Variants in CAP1 observed in about 807,000 individuals in gnomAD.
The protein encoded by CAP1 is adenylyl cyclase-associated protein 1.
In CAP1, 11 loss-of-function variants were observed where a neutral mutation model predicts 58.2. The ratio of observed to expected loss-of-function variants is 0.19; its 90% confidence interval spans 0.12 to 0.31. The LOEUF (loss-of-function observed/expected upper bound fraction) is 0.31. Ranked by LOEUF, CAP1 falls within the 10% of genes least tolerant of loss-of-function variation. The pLI, the probability that CAP1 is intolerant of heterozygous loss-of-function variation, is 1.00. For synonymous variants in CAP1, 183 were observed against 213.8 expected, an observed-to-expected ratio of 0.86 and a Z score of 1.26; for missense variants, 423 against 587.5, an observed-to-expected ratio of 0.72 and a Z score of 2.89.
At chr1:40,060,647 C>G (rs1464086368) in intron 3 of CAP1, among the ~76,000 whole-genome samples, 1 of 151,868 alleles carries the variant, frequency 6.6e-6, no homozygotes. Flanking sequence ...TTCCTTTATG[C>G]CTCCTACGTC....
chr1:40,066,428 T>A, intron 7 of CAP1, 108 bp downstream of exon 7: 1 of 661,926 alleles, frequency 1.5e-6, no homozygotes, highest in Non-Finnish European at 2.8e-6. Context: ...GAGGGAATGC[T>A]AGTTTTTTCA....
intron 1 of CAP1, among the ~76,000 whole-genome samples, chr1:40,053,326 G>T (rs1043138683): frequency 1.3e-5 from 2 of 152,240 alleles, no homozygotes; most frequent in African/African-American, 4.8e-5. Context: ...TGGATACTGT[G>T]ATTAACCATA....
In CAP1 at chr1:40,072,444, T is replaced by A. The variant is rs1328450406; in HGVS notation, c.*911T>A. 5.2e-6 allele frequency: 1 copy of A among 192,148 alleles called. No homozygotes were observed. Among genetic ancestry groups the A allele is most frequent in the Non-Finnish European group, 1.0e-5 (1 of 95,398 alleles). 11.9% of individuals were successfully genotyped at this position (192,148 alleles called of 1,614,324 possible). The stretch of plus-strand genomic sequence containing the variant: ...CTGCAGGCTGGTTTTAGGTCTTGAA[T>A]TATGTAAGAATCTTGCACAGCACTG... On this transcript the variant is annotated 3_prime_UTR_variant, in exon 13 of 13. Coordinates refer to ENST00000372805, the MANE Select transcript of CAP1 (RefSeq NM_006367.4).
At chr1:40,043,072 A>ATTTC (rs2124121935) in intron 1 of CAP1, among the ~76,000 whole-genome samples, 1 of 152,320 alleles carries the variant, frequency 6.6e-6, no homozygotes, top group South Asian at 2.1e-4. Flanking sequence ...GCTAAAGGAA[A>ATTTC]GAGCAAGAGT....
Position 40,067,572 on chromosome 1 carries a change from A to G in CAP1, c.663A>G (p.Pro221=). Residue 221 remains proline (P), a synonymous_variant, in exon 8 of 13, where the codon CCA becomes CCG. Coordinates refer to ENST00000372805, the MANE Select transcript of CAP1 (RefSeq NM_006367.4). ...GPVAKELSGL[P]SGPSAGSCPP... ...TGGCAAAAGAACTGAGCGGACTGCC[A>G]TCTGGACCCTCTGCCGGATCATGTC... The G allele has an allele frequency of 1.2e-6, 2 of 1,610,610 alleles. No individual in the cohort carries two copies. Among genetic ancestry groups the G allele is most frequent in the Non-Finnish European group, 1.7e-6 (2 of 1,178,304 alleles).
At chr1:40,070,349 C>G (rs1047729469) in intron 10 of CAP1, 67 bp downstream of exon 10, 3 of 1,608,572 alleles carry the variant, frequency 1.9e-6, no homozygotes, top group Middle Eastern at 1.7e-4. Flanking sequence ...ACCATTTTAC[C>G]TACCCTATCC....
rs763601313 is a variant in CAP1 at position 40,070,637 on chromosome 1, G to A, written c.1200+125G>A. 3.6e-5 allele frequency: 35 copies of A among 977,104 alleles called. 1 individual carries two copies. The highest frequency in any genetic ancestry group is 5.9e-5 in the South Asian group (4 of 67,292). The allele number at this position is 977,104 out of a possible 1,614,324, so 60.5% of individuals were successfully genotyped here. A position where few individuals can be genotyped will look rare whatever the true frequency, so the allele number is the denominator to read the frequency against. ...CAAAGTCTGTAAGCTGAGCTGCTTT[G>A]GACGTGGCAGAAGAAGGGTTGGCTC... is the stretch of plus-strand genomic sequence containing the variant. On this transcript the variant is annotated intron_variant, in intron 11 of 12. Transcript: ENST00000372805.
intron 1 of CAP1, among the ~76,000 whole-genome samples, chr1:40,049,075 T>TTACTTCTGA (rs1646237404): frequency 6.6e-6 from 1 of 152,076 alleles, no homozygotes; most frequent in Non-Finnish European, 1.5e-5. Flanking sequence ...CTGGTTCCAT[T>TTACTTCTGA]TACTTCTGAA....
At chr1:40,059,242 C>T (rs1646746667) in intron 1 of CAP1, 95 bp from the exon 2 acceptor site, 3 of 671,572 alleles carry the variant, frequency 4.5e-6, no homozygotes, top group Non-Finnish European at 5.4e-6. Context: ...GCATCCTCTT[C>T]ATCCACCTGG....
intron 3 of CAP1, among the ~76,000 whole-genome samples, chr1:40,061,486 C>G (rs1646848629): frequency 6.6e-6 from 1 of 152,204 alleles, no homozygotes; most frequent in African/African-American, 2.4e-5. Flanking sequence ...AACATGACTT[C>G]ATGTAAGCTA....
chr1:40,054,193 C>G (rs967623339), intron 1 of CAP1, among the ~76,000 whole-genome samples: 2 of 136,394 alleles, frequency 1.5e-5, no homozygotes, highest in African/African-American at 5.4e-5. Flanking sequence ...GCCCACTGTT[C>G]TTTTTTTTTT....
chr1:40,065,046 A>C (rs1031020234), intron 6 of CAP1, among the ~76,000 whole-genome samples: 1 of 152,122 alleles, frequency 6.6e-6, no homozygotes, highest in Non-Finnish European at 1.5e-5. Flanking sequence ...TTCTGCTTCC[A>C]CTTCTGCTTT....
At chr1:40,070,346 T>A in intron 10 of CAP1, 64 bp downstream of exon 10, 1 of 1,610,618 alleles carries the variant, frequency 6.2e-7, no homozygotes, top group Admixed American at 1.7e-5. Flanking sequence ...AATACCATTT[T>A]ACCTACCCTA....
chr1:40,059,435 G>T lies in CAP1; in HGVS notation c.89G>T (p.Gly30Val), dbSNP rs1397410237. 2 of 1,609,940 alleles carry T rather than the reference G, an allele frequency of 1.2e-6. No individual in the cohort carries two copies. The highest frequency in any genetic ancestry group is 1.3e-5 in the African/African-American group (1 of 74,816). ...AVSHTSDMHR[G>V]YADSPSKAGA... ...TCTCATACCTCTGACATGCACCGTGGGTATGCAGACAGTCCTTCAAAAGGT... is the reference window on the plus strand; with the variant it reads ...TCTCATACCTCTGACATGCACCGTGTGTATGCAGACAGTCCTTCAAAAGGT... Residue 30 changes from glycine (G) to valine (V), a missense_variant, in exon 2 of 13, where the codon GGG (glycine) becomes GTG (valine). Physicochemically the swap from Gly to Val is moderately radical, Grantham distance 109. Coordinates refer to ENST00000372805, the MANE Select transcript of CAP1 (RefSeq NM_006367.4).
intron 4 of CAP1, among the ~76,000 whole-genome samples, chr1:40,063,382 G>T (rs967382892): frequency 3.9e-5 from 6 of 151,934 alleles, no homozygotes; most frequent in Non-Finnish European, 8.8e-5. Context: ...TCCCCATGTT[G>T]CCCAGGCTGA....
At chr1:40,057,724 C>T (rs929102815) in intron 1 of CAP1, among the ~76,000 whole-genome samples, 14 of 152,138 alleles carry the variant, frequency 9.2e-5, no homozygotes, top group Non-Finnish European at 1.5e-5. Flanking sequence ...ATCATAATTG[C>T]TGTTGTCATT....
At chr1:40,060,210 A>G (rs1282434418) in intron 3 of CAP1, 40 bp downstream of exon 3, 1 of 1,494,576 alleles carries the variant, frequency 6.7e-7, no homozygotes, top group Admixed American at 1.7e-5. Context: ...TTTAAGGACT[A>G]ACAGCTTTCT....
rs572467082 is a variant in CAP1, at chr1:40,055,718, C to T, written c.-10-3619C>T. Among the ~76,000 whole-genome samples, 4 of 152,212 alleles carry T rather than the reference C, an allele frequency of 2.6e-5. No homozygotes were observed. In the East Asian group the frequency reaches 5.8e-4, roughly 22 times the overall value. On this transcript the variant is annotated intron_variant, in intron 1 of 12. Coordinates refer to ENST00000372805, the MANE Select transcript of CAP1 (RefSeq NM_006367.4). ...GAGACAAGGTCTCCCTATGTTGCCC[C>T]GGCTAGTCTTGAACTCCTGACCTCA...
chr1:40,059,619 T>C (rs1646762516), intron 2 of CAP1, among the ~76,000 whole-genome samples, 161 bp downstream of exon 2: 1 of 152,184 alleles, frequency 6.6e-6, no homozygotes, highest in Admixed American at 6.6e-5. Context: ...AAATGACTTG[T>C]ACAGGGAGGC....
Sources: allele counts gnomAD v4.1 joint callset (sites outside exome capture counted in the v4.1 genomes callset), GRCh38; gene constraint gnomAD v4.1.1; transcripts MANE v1.5; gene names NCBI Gene and HGNC (gene_info 2026-07-23, HGNC 2026-07-21).